SRCIN1: variants seen among roughly 807,000 people sequenced by gnomAD.
SRCIN1 encodes the protein P130Cas-associated protein.
A neutral mutation model predicts 116.2 loss-of-function variants in SRCIN1; 50 were observed. The observed-to-expected ratio is 0.43, with a 90% CI of 0.34 to 0.54. SRCIN1 has a LOEUF of 0.54. Among genes scored for constraint, SRCIN1 ranks in the 20% least tolerant of loss-of-function variants. The pLI is 0.02. For missense variants in SRCIN1, 1,446 were observed against 1,672.0 expected, an observed-to-expected ratio of 0.86 and a Z score of 2.36; for synonymous variants, 736 against 750.0, an observed-to-expected ratio of 0.98 and a Z score of 0.30.
At chr17:38,574,037 G>A (rs1276218263) in intron 2 of SRCIN1, among the ~76,000 whole-genome samples, 1 of 152,112 alleles carries the variant, frequency 6.6e-6, no homozygotes, top group Non-Finnish European at 1.5e-5. Context: ...CCTTGAAAAA[G>A]CCAAGACTTT....
At position 38,548,724 on chromosome 17, in the gene SRCIN1, A is replaced by G; in HGVS notation, c.3118-15T>C. ...GACTCAGCCTTCTGCAAGGCCCGGGACTCCTGTCAAGGCCAGGCTCTGCCC... is the reference window on the plus strand; with the variant it reads ...GACTCAGCCTTCTGCAAGGCCCGGGGCTCCTGTCAAGGCCAGGCTCTGCCC... On this transcript the variant is annotated splice_polypyrimidine_tract_variant and intron_variant, in intron 16 of 18. Transcript: ENST00000617146. 9 of 1,572,128 alleles carry G rather than the reference A, an allele frequency of 5.7e-6. No individual in the cohort carries two copies. The highest frequency in any genetic ancestry group is 7.7e-6 in the Non-Finnish European group (9 of 1,162,470).
At position 38,559,698 on chromosome 17, in the gene SRCIN1, G is replaced by C; in HGVS notation, c.1912C>G (p.Pro638Ala). Residue 638 changes from proline to alanine, a missense_variant, in exon 10 of 19, where the codon CCC (proline) becomes GCC (alanine). Pro to Ala is a conservative substitution (Grantham distance 27). Around this residue, in one of 5 missense-constraint regions of SRCIN1, gnomAD observed 398 missense variants for 385.6 expected, o/e 1.03. Transcript: ENST00000617146. ...CTAACGGCGGTAGGCTGACCTGCGGGGGTGCTGCTGGCCGAGGGCGGGGGC... is the reference window on the plus strand; with the variant it reads ...CTAACGGCGGTAGGCTGACCTGCGGCGGTGCTGCTGGCCGAGGGCGGGGGC... ...GPPPPSASST[P>A]AGQPTAVSRL... 6.3e-7 allele frequency: 1 copy of C among 1,591,476 alleles called. No homozygotes were observed. Among genetic ancestry groups the C allele is most frequent in the Non-Finnish European group, 8.5e-7 (1 of 1,175,070 alleles).
chr17:38,583,548 G>GTTTTTTGTTTT (rs1907935604), intron 1 of SRCIN1, among the ~76,000 whole-genome samples: 7 of 104,270 alleles, frequency 6.7e-5, no homozygotes, highest in South Asian at 3.0e-4. Context: ...TTCATTTTCT[G>GTTTTTTGTTTT]TTTTTTTTTT....
chr17:38,549,136 A>G lies in SRCIN1; in HGVS notation c.3037T>C (p.Phe1013Leu). ...SPPPPPPRRSFPSSHGLTTTR... is the reference protein window; with the variant it reads ...SPPPPPPRRSLPSSHGLTTTR... ...GTGGTCAGGCCATGGGAGGAGGGGA[A>G]GCTCCGGCGGGGAGGGGGCGGTGGG... The change falls in exon 16 of 19, where the codon TTC becomes CTC. Residue 1013 changes from phenylalanine (F) to leucine (L), a missense_variant. Transcript: ENST00000617146. 1 of 1,510,514 alleles carries G rather than the reference A, an allele frequency of 6.6e-7. No homozygotes were observed. The highest frequency in any genetic ancestry group is 1.1e-5 in the South Asian group (1 of 87,872). The allele number at this position is 1,510,514 out of a possible 1,614,324, so 93.6% of individuals were successfully genotyped here. A position where few individuals can be genotyped will look rare whatever the true frequency, so the allele number is the denominator to read the frequency against.
At chr17:38,593,078 A>T (rs942434546) in intron 1 of SRCIN1, among the ~76,000 whole-genome samples, 1 of 152,236 alleles carries the variant, frequency 6.6e-6, no homozygotes, top group East Asian at 1.9e-4. Context: ...AGAACTGGTG[A>T]TTGTTCAAGA....
chr17:38,551,722 C>T, intron 14 of SRCIN1, 164 bp downstream of exon 14: 1 of 1,113,140 alleles, frequency 9.0e-7, no homozygotes, highest in Admixed American at 2.1e-5. Flanking sequence ...TCTAGGAGGG[C>T]TAATGTCACC....
chr17:38,555,062 C>T (rs141230646), intron 11 of SRCIN1, among the ~76,000 whole-genome samples: 21 of 152,322 alleles, frequency 1.4e-4, no homozygotes, highest in Admixed American at 7.2e-4. Context: ...TCCTGTATTA[C>T]GCACTTACTG....
Position 38,559,678 on chromosome 17 carries a change from G to A in SRCIN1, c.1932C>T (p.Ala644=). 1.3e-6 allele frequency: 2 copies of A among 1,599,640 alleles called. No homozygotes were observed. The highest frequency in any genetic ancestry group is 1.7e-6 in the Non-Finnish European group (2 of 1,178,356). Residue 644 remains alanine (A), a synonymous_variant, in exon 10 of 19, where the codon GCC becomes GCT. Coordinates refer to ENST00000617146, the MANE Select transcript of SRCIN1 (RefSeq NM_025248.3). ...ASSTPAGQPT[A]VSRLQMQLHL... is the part of the protein sequence containing the mutation. ...GAAGCTGCATCTGCAGCCGGCTAAC[G>A]GCGGTAGGCTGACCTGCGGGGGTGC...
At position 38,572,808 on chromosome 17, in the gene SRCIN1, T is replaced by C. The variant is rs1294203095; in HGVS notation, c.325-4577A>G. The C allele has an allele frequency of 6.6e-6, 1 of 152,310 alleles. No homozygotes were observed. The highest frequency in any genetic ancestry group is 1.5e-5 in the Non-Finnish European group (1 of 67,890). 9.4% of individuals were successfully genotyped at this position (152,310 alleles called of 1,614,324 possible). The stretch of plus-strand genomic sequence containing the variant: ...GCCGCGGCCGCCGCCGCCGGTGCCC[T>C]TTGCTGCAATGCGAGAGCCGCCGCG... On this transcript the variant is annotated intron_variant, in intron 2 of 18. Transcript: ENST00000617146. The surrounding 1 kb of genome is among the most constrained non-coding windows in gnomAD (Gnocchi z 4.3).
chr17:38,551,421 T>C (rs895758619), intron 14 of SRCIN1, 32 bp from the exon 15 acceptor site: 3 of 1,557,844 alleles, frequency 1.9e-6, no homozygotes, highest in Admixed American at 3.7e-5. Context: ...AGGATTGAGG[T>C]AGCTCTCCTG....
intron 1 of SRCIN1, among the ~76,000 whole-genome samples, chr17:38,596,008 G>A (rs1908711538): frequency 8.2e-6 from 1 of 122,298 alleles, no homozygotes; most frequent in Non-Finnish European, 1.6e-5. Context: ...ACTACGGAGA[G>A]CTGGAGAGCT....
Position 38,541,003 on chromosome 17 carries a change from G to A in SRCIN1, c.3417+2820C>T, listed in dbSNP as rs555506378. Among the ~76,000 whole-genome samples, 539 of 152,224 alleles carry A rather than the reference G, an allele frequency of 3.5e-3. 3 individuals are homozygous for A. The highest frequency in any genetic ancestry group is 0.013 in the African/African-American group (524 of 41,514). ...ACCTGTAATCCCAGCAGTTTGGAAG[G>A]CTGAGGCGGGTGGATCACGAGGTCA... On this transcript the variant is annotated intron_variant, in intron 18 of 18. Coordinates refer to ENST00000617146, the MANE Select transcript of SRCIN1 (RefSeq NM_025248.3).
chr17:38,560,000 A>T (rs1906121099), intron 9 of SRCIN1, 54 bp downstream of exon 9: 1 of 1,456,600 alleles, frequency 6.9e-7, no homozygotes, highest in Admixed American at 2.0e-5. Flanking sequence ...CACTTTATAG[A>T]TTAGAAAACA....
At chr17:38,539,829 TG>T (rs1280714486) in intron 18 of SRCIN1, among the ~76,000 whole-genome samples, 1 of 151,978 alleles carries the variant, frequency 6.6e-6, no homozygotes, top group East Asian at 1.9e-4. Flanking sequence ...AAGACCAGCC[TG>T]GTCAACATGG....
At position 38,544,062 on chromosome 17, in the gene SRCIN1, C is replaced by T. The variant is rs1904925424; in HGVS notation, c.3271-93G>A. On this transcript the variant is annotated intron_variant, in intron 17 of 18. Transcript: ENST00000617146. This position sits in a 1 kb window ranked among gnomAD's most constrained non-coding sequence, Gnocchi z 4.5. ...ACTGGGTGGGGTCTCGGGGCTGGGACCTCCTCAGTGGGGCCCTTTGAGACC... is the reference window on the plus strand; with the variant it reads ...ACTGGGTGGGGTCTCGGGGCTGGGATCTCCTCAGTGGGGCCCTTTGAGACC... 4.2e-6 allele frequency: 6 copies of T among 1,436,504 alleles called. No homozygotes were observed. In the South Asian group the frequency reaches 6.9e-5, roughly 17 times the overall value. The allele number at this position is 1,436,504 out of a possible 1,614,324, so 89.0% of individuals were successfully genotyped here.
intron 11 of SRCIN1, among the ~76,000 whole-genome samples, chr17:38,554,824 T>C (rs887719479): frequency 1.1e-4 from 17 of 152,210 alleles, no homozygotes; most frequent in Non-Finnish European, 4.4e-5. Context: ...TTTATATATA[T>C]TCCTGTCAAA....
At position 38,545,907 on chromosome 17, in the gene SRCIN1, T is replaced by C. The variant is rs191467357; in HGVS notation, c.3271-1938A>G. ...GGAATGGCCGAGACCTTTGGCCCCA[T>C]GTGGGCAGAGACAACATGTCAGCCT... On this transcript the variant is annotated intron_variant, in intron 17 of 18. Transcript: ENST00000617146. Among the ~76,000 whole-genome samples the C allele has an allele frequency of 1.2e-3, 181 of 152,332 alleles. No homozygotes were observed. The Middle Eastern group carries it at 0.014, about 11-fold the overall frequency.
At position 38,558,499 on chromosome 17, in the gene SRCIN1, AG is replaced by A; in HGVS notation, c.2026-98del. ...AGGCGGGTAGAGGACTGCCCAATCC[AG>A]GGCGGGGCTCTGCAGAAGAAGCGGC... On this transcript the variant is annotated intron_variant, in intron 10 of 18. Transcript: ENST00000617146. The surrounding 1 kb of genome is among the most constrained non-coding windows in gnomAD (Gnocchi z 4.6). The A allele has an allele frequency of 7.5e-7, 1 of 1,332,698 alleles. No homozygotes were observed. Among genetic ancestry groups the A allele is most frequent in the Non-Finnish European group, 9.9e-7 (1 of 1,007,884 alleles). The allele number at this position is 1,332,698 out of a possible 1,614,324, so 82.6% of individuals were successfully genotyped here. A position where few individuals can be genotyped will look rare whatever the true frequency, so the allele number is the denominator to read the frequency against.
chr17:38,562,305 C>T lies in SRCIN1; in HGVS notation c.858G>A (p.Arg286=), dbSNP rs771287939. 9 of 1,477,732 alleles carry T rather than the reference C, an allele frequency of 6.1e-6. No homozygotes were observed. The South Asian group carries it at 1.2e-4, about 19-fold the overall frequency. 91.5% of individuals were successfully genotyped at this position (1,477,732 alleles called of 1,614,324 possible). A position where few individuals can be genotyped will look rare whatever the true frequency, so the allele number is the denominator to read the frequency against. Residue 286 remains arginine (R), a synonymous_variant, in exon 7 of 19, where the codon CGG becomes CGA. Coordinates refer to ENST00000617146, the MANE Select transcript of SRCIN1 (RefSeq NM_025248.3). The surrounding 1 kb of genome is among the most constrained non-coding windows in gnomAD (Gnocchi z 4.2). ...DLRREMVYAS[R]ESSPTRRLNN... Reference sequence around the variant, plus strand: ...TGAGGCGCCGCGTGGGCGAGGACTCCCGCGATGCGTACACCATCTCTCTCT... The same window carrying T: ...TGAGGCGCCGCGTGGGCGAGGACTCTCGCGATGCGTACACCATCTCTCTCT...
Sources: allele counts gnomAD v4.1 joint callset (sites outside exome capture counted in the v4.1 genomes callset), GRCh38; gene constraint gnomAD v4.1.1; regional missense constraint gnomAD v4.1.1; non-coding constraint Gnocchi (gnomAD v3.1); transcripts MANE v1.5; gene names NCBI Gene and HGNC (gene_info 2026-07-23, HGNC 2026-07-21).